PHF2: variants seen among roughly 807,000 people sequenced by gnomAD.
The protein encoded by PHF2 is lysine-specific demethylase PHF2.
In PHF2, 27 loss-of-function variants were observed where a neutral mutation model predicts 120.5. The observed-to-expected ratio is 0.22, with a 90% confidence interval of 0.17 to 0.31. PHF2 has a LOEUF of 0.31. Among genes scored for constraint, PHF2 ranks in the 10% least tolerant of loss-of-function variants. PHF2 has a pLI of 1.00. For synonymous variants in PHF2, 568 were observed against 592.5 expected (o/e 0.96, Z 0.60); for missense variants, 1,024 against 1,434.8 (o/e 0.71, Z 4.63).
chr9:93,630,300 A>G (rs1386767265), intron 2 of PHF2, among the ~76,000 whole-genome samples: 1 of 152,244 alleles, frequency 6.6e-6, no homozygotes, highest in African/African-American at 2.4e-5. Flanking sequence ...GCAAAGACTC[A>G]AAGGGCCTTC....
chr9:93,604,992 G>A (rs1156336865), intron 1 of PHF2, among the ~76,000 whole-genome samples: 2 of 152,076 alleles, frequency 1.3e-5, no homozygotes, highest in African/African-American at 2.4e-5. Flanking sequence ...CTTCTTCTAC[G>A]TGATTTATTT....
chr9:93,613,808 T>A (rs1825678403), intron 1 of PHF2, among the ~76,000 whole-genome samples: 1 of 152,086 alleles, frequency 6.6e-6, no homozygotes, highest in Non-Finnish European at 1.5e-5. Flanking sequence ...TAGGCTCAAG[T>A]ATCAAGGATA....
At chr9:93,669,410 A>G (rs1417650739) in intron 17 of PHF2, among the ~76,000 whole-genome samples, 1 of 152,224 alleles carries the variant, frequency 6.6e-6, no homozygotes, top group Non-Finnish European at 1.5e-5. Flanking sequence ...TCAGTGCTGC[A>G]GCTTGTGTGG....
chr9:93,592,638 G>A (rs1015623034), intron 1 of PHF2, among the ~76,000 whole-genome samples: 14 of 152,118 alleles, frequency 9.2e-5, no homozygotes, highest in African/African-American at 2.9e-4. Flanking sequence ...GCTGTTGTCC[G>A]TCCTTTCTTC....
chr9:93,599,499 G>A (rs1281490453), intron 1 of PHF2, among the ~76,000 whole-genome samples: 1 of 152,230 alleles, frequency 6.6e-6, no homozygotes, highest in Non-Finnish European at 1.5e-5. Context: ...GAGATGGAGT[G>A]CGTGGAGGTT....
intron 1 of PHF2, among the ~76,000 whole-genome samples, chr9:93,628,007 C>T (rs1825942243): frequency 6.6e-6 from 1 of 152,188 alleles, no homozygotes; most frequent in African/African-American, 2.4e-5. Flanking sequence ...CCCAGGATTG[C>T]ATCTTTTTCT....
At position 93,663,554 on chromosome 9, in the gene PHF2, A is replaced by T; in HGVS notation, c.1856A>T (p.Glu619Val). The T allele has an allele frequency of 6.2e-7, 1 of 1,613,326 alleles. No homozygotes were observed. The change falls in exon 14 of 22, where the codon GAG becomes GTG. Residue 619 changes from glutamate to valine, a missense_variant. By Grantham distance (121) the Glu-to-Val change is moderately radical. Around this residue, in one of 2 missense-constraint regions of PHF2, gnomAD observed 677 missense variants for 857.4 expected, o/e 0.79. Transcript: ENST00000359246. The part of the protein sequence containing the change: ...KPDSLLKMEE[E>V]QKLEKSPLAG... ...GACTCCTTACTGAAGATGGAAGAGGAGCAGAAGCTAGAGAAGTCGCCTCTA... is the reference window on the plus strand; with the variant it reads ...GACTCCTTACTGAAGATGGAAGAGGTGCAGAAGCTAGAGAAGTCGCCTCTA...
Position 93,665,755 on chromosome 9 carries a change from G to A in PHF2, c.2007G>A (p.Lys669=), listed in dbSNP as rs764009746. The A allele has an allele frequency of 1.2e-6, 2 of 1,614,138 alleles. No individual in the cohort carries two copies. Among genetic ancestry groups the A allele is most frequent in the South Asian group, 2.2e-5 (2 of 91,080 alleles). The change falls in exon 15 of 22, where the codon AAG becomes AAA. Residue 669 remains lysine (K), a synonymous_variant. Coordinates refer to ENST00000359246, the MANE Select transcript of PHF2 (RefSeq NM_005392.4). ...CCTTGCAGAACTTCAAGGAGGACAA[G>A]CCCAAGCCCGTGCGGGATGAGTATG... ...FGALQNFKED[K]PKPVRDEYEY...
chr9:93,577,173 A>G (rs1862837794), intron 1 of PHF2, among the ~76,000 whole-genome samples: 1 of 149,576 alleles, frequency 6.7e-6, no homozygotes. Flanking sequence ...TTGGGGCTCC[A>G]GGCCCGGGCC....
chr9:93,631,374 T>G (rs1220070230), intron 2 of PHF2, among the ~76,000 whole-genome samples: 1 of 152,192 alleles, frequency 6.6e-6, no homozygotes, highest in Non-Finnish European at 1.5e-5. Context: ...GAGGAGAAGC[T>G]AGCAGCTAGC....
At chr9:93,598,393 A>G (rs1825372460) in intron 1 of PHF2, among the ~76,000 whole-genome samples, 1 of 152,200 alleles carries the variant, frequency 6.6e-6, no homozygotes, top group Non-Finnish European at 1.5e-5. Context: ...ATGGCAGTCC[A>G]GAGGGACATT....
chr9:93,646,863 C>T (rs1269270149), intron 4 of PHF2, among the ~76,000 whole-genome samples: 4 of 152,050 alleles, frequency 2.6e-5, no homozygotes, highest in Non-Finnish European at 4.4e-5. Flanking sequence ...GTGCTTGTCC[C>T]GGGACCTGGG....
chr9:93,608,103 T>C (rs1392092138), intron 1 of PHF2, among the ~76,000 whole-genome samples: 1 of 152,152 alleles, frequency 6.6e-6, no homozygotes, highest in Non-Finnish European at 1.5e-5. Flanking sequence ...CTTACCTTAT[T>C]GTATTAGCTA....
intron 18 of PHF2, among the ~76,000 whole-genome samples, chr9:93,674,636 C>T (rs1387489004): frequency 1.3e-5 from 2 of 152,148 alleles, no homozygotes; most frequent in Admixed American, 1.3e-4. Flanking sequence ...CAGGGGCTTG[C>T]AGGCACTGGG....
chr9:93,616,651 AT>A (rs34471538), intron 1 of PHF2, among the ~76,000 whole-genome samples: 48,826 of 146,476 alleles, frequency 0.33, 8,499 homozygotes, highest in Non-Finnish European at 0.4. Context: ...TTCTCCTATA[AT>A]TTTTTTTTTT....
At chr9:93,582,431 G>A (rs1862949148) in intron 1 of PHF2, among the ~76,000 whole-genome samples, 1 of 152,154 alleles carries the variant, frequency 6.6e-6, no homozygotes, top group South Asian at 2.1e-4. Context: ...GCTCCCTCCT[G>A]GGTCTGAATA....
At chr9:93,668,341 C>T (rs1389103881) in intron 17 of PHF2, among the ~76,000 whole-genome samples, 2 of 152,142 alleles carry the variant, frequency 1.3e-5, no homozygotes, top group Non-Finnish European at 2.9e-5. Context: ...AGCTCCTCCT[C>T]CCTGTCGGAG....
intron 18 of PHF2, among the ~76,000 whole-genome samples, chr9:93,674,688 C>G (rs1044748377): frequency 6.6e-6 from 1 of 152,112 alleles, no homozygotes; most frequent in Non-Finnish European, 1.5e-5. Flanking sequence ...GATGCAGGTG[C>G]CTTCTTGTCT....
intron 3 of PHF2, 147 bp from the exon 4 acceptor site, chr9:93,645,482 G>A: frequency 1.3e-6 from 1 of 758,532 alleles, no homozygotes; most frequent in Non-Finnish European, 2.0e-6. Context: ...CCCATTTGTG[G>A]CACCACGGCC....
Sources: gnomAD v4.1 joint callset for allele counts (sites outside exome capture counted in the v4.1 genomes callset) on GRCh38, gnomAD v4.1.1 for gene constraint, gnomAD v4.1.1 regional missense constraint, MANE v1.5 for transcripts, NCBI Gene and HGNC (gene_info 2026-07-23, HGNC 2026-07-21) for gene names.